Variants in SRBD1 observed in about 807,000 individuals in gnomAD.
SRBD1 encodes S1 RNA binding domain 1.
A neutral mutation model predicts 115.3 loss-of-function variants in SRBD1; 88 were observed. The observed-to-expected ratio is 0.76, with a 90% CI of 0.64 to 0.91. The LOEUF (loss-of-function observed/expected upper bound fraction) is 0.91, where lower values mean the gene tolerates loss of function less well. Among genes scored for constraint, SRBD1 ranks in the 40% least tolerant of loss-of-function variants. The pLI is 0.00. For missense variants in SRBD1, 1,385 were observed against 1,177.4 expected (o/e 1.18, Z -2.58); for synonymous variants, 509 against 407.7 (o/e 1.25, Z -2.99).
chr2:45,413,428 T>C lies in SRBD1; in HGVS notation c.2334-135A>G, dbSNP rs1572609524. 6.5e-5 allele frequency: 64 copies of C among 985,200 alleles called. No homozygotes were observed. In the East Asian group the frequency reaches 1.6e-3, roughly 24 times the overall value. The allele number at this position is 985,200 out of a possible 1,614,324, so 61.0% of individuals were successfully genotyped here. A position where few individuals can be genotyped will look rare whatever the true frequency, so the allele number is the denominator to read the frequency against. On this transcript the variant is annotated intron_variant, in intron 18 of 20. Transcript: ENST00000263736. ...AACCAGATTTTGACCTTTTACTTCA[T>C]AGAAACTACCACTTATTTGTTTAAA...
intron 18 of SRBD1, among the ~76,000 whole-genome samples, chr2:45,414,669 G>A (rs927805819): frequency 1.3e-5 from 2 of 150,280 alleles, no homozygotes; most frequent in African/African-American, 4.9e-5. Context: ...CACACATAGT[G>A]TATATAGTAT....
At chr2:45,600,478 C>T (rs1031636928) in intron 3 of SRBD1, among the ~76,000 whole-genome samples, 4 of 152,202 alleles carry the variant, frequency 2.6e-5, no homozygotes, top group Admixed American at 6.5e-5. Flanking sequence ...ACTTAGCAGA[C>T]AGAAAAGTAA....
intron 14 of SRBD1, among the ~76,000 whole-genome samples, chr2:45,489,358 C>G (rs1049379359): frequency 6.6e-6 from 1 of 152,290 alleles, no homozygotes. Context: ...TGACATGTAA[C>G]GTACTGCCCC....
Position 45,604,671 on chromosome 2 carries a change from G to C in SRBD1, c.80+691C>G, listed in dbSNP as rs962031688. On this transcript the variant is annotated intron_variant, in intron 2 of 20. Transcript: ENST00000263736. The stretch of plus-strand genomic sequence containing the variant: ...ACACCCATCCCCAAGATCTTTGCAA[G>C]CTGCACCCCCAAATCTCATCTAGAT... 2.6e-5 allele frequency among the ~76,000 whole-genome samples: 4 copies of C among 152,238 alleles called. No homozygotes were observed. The South Asian group carries it at 6.2e-4, about 24-fold the overall frequency.
At chr2:45,469,716 T>A (rs1323144358) in intron 16 of SRBD1, among the ~76,000 whole-genome samples, 1 of 152,168 alleles carries the variant, frequency 6.6e-6, no homozygotes, top group Non-Finnish European at 1.5e-5. Context: ...TTCTAACACA[T>A]GAGTTGGGTT....
chr2:45,553,838 T>C (rs1282541835), intron 10 of SRBD1, 108 bp from the exon 11 acceptor site: 8 of 546,732 alleles, frequency 1.5e-5, no homozygotes, highest in Admixed American at 3.7e-5. Flanking sequence ...AAAACCTTTA[T>C]TGAAGCCAAA....
At chr2:45,420,911 C>G (rs904838295) in intron 16 of SRBD1, among the ~76,000 whole-genome samples, 2 of 152,116 alleles carry the variant, frequency 1.3e-5, no homozygotes, top group African/African-American at 4.8e-5. Flanking sequence ...ATGTGCACAA[C>G]GTGCAGGTTT....
intron 13 of SRBD1, 94 bp from the exon 14 acceptor site, chr2:45,546,933 G>C: frequency 8.4e-7 from 1 of 1,183,548 alleles, no homozygotes; most frequent in Non-Finnish European, 1.2e-6. Flanking sequence ...ACTATTATAT[G>C]ATTCTCTTAT....
intron 14 of SRBD1, among the ~76,000 whole-genome samples, chr2:45,514,693 T>C (rs1403503563): frequency 6.6e-6 from 1 of 152,184 alleles, no homozygotes; most frequent in Non-Finnish European, 1.5e-5. Context: ...GTCTGAGTTC[T>C]TCTGGCTCTA....
chr2:45,396,984 A>G (rs1196920707), intron 19 of SRBD1, among the ~76,000 whole-genome samples: 6 of 152,150 alleles, frequency 3.9e-5, no homozygotes, highest in African/African-American at 1.2e-4. Context: ...GGCAAAGTAC[A>G]TCTAATAGTC....
At chr2:45,573,125 A>T in intron 9 of SRBD1, 82 bp downstream of exon 9, 1 of 1,380,232 alleles carries the variant, frequency 7.2e-7, no homozygotes, top group Non-Finnish European at 9.6e-7. Flanking sequence ...AAAATTATTT[A>T]AATTCTTAGT....
chr2:45,521,231 A>G (rs1035623684), intron 14 of SRBD1, among the ~76,000 whole-genome samples: 4 of 151,876 alleles, frequency 2.6e-5, no homozygotes, highest in African/African-American at 9.7e-5. Context: ...ACAGAGGGGG[A>G]AAGTGCCAGT....
intron 4 of SRBD1, among the ~76,000 whole-genome samples, chr2:45,590,380 C>G (rs147298012): frequency 7.5e-4 from 114 of 152,276 alleles, no homozygotes; most frequent in African/African-American, 2.6e-3. Context: ...CTTTGTAGGA[C>G]TAACAAATTA....
intron 19 of SRBD1, among the ~76,000 whole-genome samples, chr2:45,409,065 A>C (rs1667519645): frequency 6.6e-6 from 1 of 152,104 alleles, no homozygotes; most frequent in East Asian, 1.9e-4. Context: ...CTAAAAATAC[A>C]AAAATTAGCC....
At chr2:45,487,049 A>C (rs977001240) in intron 15 of SRBD1, among the ~76,000 whole-genome samples, 1 of 152,176 alleles carries the variant, frequency 6.6e-6, no homozygotes, top group African/African-American at 2.4e-5. Context: ...CTCAGATTTA[A>C]GAAGATGATC....
chr2:45,466,056 G>A (rs984667863), intron 16 of SRBD1, among the ~76,000 whole-genome samples: 3 of 152,118 alleles, frequency 2.0e-5, no homozygotes, highest in Middle Eastern at 3.2e-3. Context: ...TACAAGAAGT[G>A]GAAACAGCCT....
chr2:45,423,887 C>T (rs898434571), intron 16 of SRBD1, among the ~76,000 whole-genome samples: 3 of 152,048 alleles, frequency 2.0e-5, no homozygotes, highest in Non-Finnish European at 4.4e-5. Context: ...AACTTAAGAA[C>T]CAGACTCACA....
chr2:45,574,087 AG>A (rs1356637843), intron 8 of SRBD1, among the ~76,000 whole-genome samples: 5 of 152,194 alleles, frequency 3.3e-5, no homozygotes, highest in Non-Finnish European at 5.9e-5. Context: ...AAGCCCAAGA[AG>A]GCTCTAGGTC....
intron 15 of SRBD1, among the ~76,000 whole-genome samples, chr2:45,477,552 AAGTTCCTTT>A (rs1260618504): frequency 6.6e-6 from 1 of 152,042 alleles, no homozygotes; most frequent in East Asian, 1.9e-4. Flanking sequence ...TCCTTTTTTA[AAGTTCCTTT>A]TTTTTAGAGA....
Sources: gnomAD v4.1 joint callset for allele counts (sites outside exome capture counted in the v4.1 genomes callset) on GRCh38, gnomAD v4.1.1 for gene constraint, MANE v1.5 for transcripts, NCBI Gene and HGNC (gene_info 2026-07-23, HGNC 2026-07-21) for gene names.